The following COL19A1 variants were observed in gnomAD, a reference collection of about 807,000 sequenced individuals.
COL19A1 encodes the protein collagen alpha-1(XIX) chain.
Under a neutral mutation model 190.2 loss-of-function variants are expected in COL19A1, and 159 were observed. That is an observed-to-expected ratio of 0.84 (90% CI 0.73 to 0.95). COL19A1 has a LOEUF of 0.95. COL19A1 is among the 40% of genes least tolerant of loss of function. COL19A1 has a pLI of 0.00. For synonymous variants in COL19A1, 509 were observed against 458.9 expected (o/e 1.11, Z -1.39); for missense variants, 1,418 against 1,431.9 (o/e 0.99, Z 0.16).
At chr6:69,959,381 A>T (rs891044756) in intron 9 of COL19A1, among the ~76,000 whole-genome samples, 1 of 152,142 alleles carries the variant, frequency 6.6e-6, no homozygotes, top group African/African-American at 2.4e-5. Context: ...ACACACACAC[A>T]CACATATATA....
At chr6:70,088,906 CTG>C (rs1166177182) in intron 15 of COL19A1, among the ~76,000 whole-genome samples, 2 of 152,122 alleles carry the variant, frequency 1.3e-5, no homozygotes, top group Non-Finnish European at 2.9e-5. Flanking sequence ...AGTAAAAAAT[CTG>C]TAACTTCGAT....
At chr6:70,035,851 A>T in intron 13 of COL19A1, 53 bp from the exon 14 acceptor site, 1 of 1,458,568 alleles carries the variant, frequency 6.9e-7, no homozygotes, top group South Asian at 1.2e-5. Flanking sequence ...ATTTATAAAT[A>T]ATGTGCAAAA....
chr6:70,146,526 G>A (rs557251350), intron 25 of COL19A1, 133 bp from the exon 26 acceptor site: 219 of 522,086 alleles, frequency 4.2e-4, no homozygotes, highest in African/African-American at 3.5e-3. Context: ...TTTACTCCCC[G>A]TTCCTTATTC....
Position 70,156,514 on chromosome 6 carries a change from A to G in COL19A1, c.2238+145A>G, listed in dbSNP as rs1006085007. On this transcript the variant is annotated intron_variant, in intron 33 of 50. Transcript: ENST00000620364. Reference sequence around the variant, plus strand: ...TATATGGAGAGAGAGAGAGAGAGAGAAAGTGATGTAAAAGTCACTTGCAAA... The same window carrying G: ...TATATGGAGAGAGAGAGAGAGAGAGGAAGTGATGTAAAAGTCACTTGCAAA... 1.4e-5 allele frequency: 14 copies of G among 1,019,816 alleles called. No homozygotes were observed. The African/African-American group carries it at 2.1e-4, about 15-fold the overall frequency. 63.2% of individuals were successfully genotyped at this position (1,019,816 alleles called of 1,614,324 possible).
intron 7 of COL19A1, among the ~76,000 whole-genome samples, chr6:69,933,989 A>G (rs1434925592): frequency 1.3e-5 from 2 of 152,044 alleles, no homozygotes; most frequent in African/African-American, 4.8e-5. Flanking sequence ...GATTTCATAA[A>G]TGTTCTATAC....
chr6:70,026,586 G>A (rs1299817305), intron 12 of COL19A1, among the ~76,000 whole-genome samples: 1 of 152,122 alleles, frequency 6.6e-6, no homozygotes, highest in African/African-American at 2.4e-5. Context: ...CAGGAGTTAT[G>A]ACTAAGGAGA....
intron 2 of COL19A1, among the ~76,000 whole-genome samples, chr6:69,881,546 C>A (rs1193259626): frequency 2.6e-5 from 4 of 152,178 alleles, no homozygotes; most frequent in Admixed American, 2.6e-4. Flanking sequence ...GCTTTTGTAG[C>A]TCTAGTATCT....
At chr6:69,930,326 A>G (rs1772675548) in intron 6 of COL19A1, among the ~76,000 whole-genome samples, 1 of 152,192 alleles carries the variant, frequency 6.6e-6, no homozygotes, top group African/African-American at 2.4e-5. Context: ...TGATTTCCCT[A>G]GAGAACAAGG....
At chr6:70,157,171 AC>A (rs1164138917) in intron 34 of COL19A1, among the ~76,000 whole-genome samples, 1 of 152,098 alleles carries the variant, frequency 6.6e-6, no homozygotes, top group East Asian at 1.9e-4. Flanking sequence ...AACTTCAGCA[AC>A]CTTGGATTGT....
chr6:69,899,163 T>C (rs1417282807), intron 3 of COL19A1, 141 bp downstream of exon 3: 2 of 583,188 alleles, frequency 3.4e-6, no homozygotes, highest in African/African-American at 1.9e-5. Flanking sequence ...GAATTCTTTT[T>C]AATTTTTTTT....
chr6:70,054,449 T>C (rs574702984), intron 14 of COL19A1, among the ~76,000 whole-genome samples: 4 of 152,172 alleles, frequency 2.6e-5, no homozygotes, highest in Non-Finnish European at 5.9e-5. Flanking sequence ...AAAGCTTCTG[T>C]TAACAGTAAT....
chr6:69,962,827 G>A lies in COL19A1; in HGVS notation c.983G>A (p.Gly328Glu), dbSNP rs552171890. ...HGAPGFPGQK[G>E]EQGFEGSKGE... ...ACACATCATATTCCTCTTCTACAGG[G>A]AGAGCAAGGTTTTGAAGGCAGCAAA... The change falls in exon 11 of 51, where the codon GGA (glycine) becomes GAA (glutamate). Residue 328 changes from glycine (G) to glutamate (E), a missense_variant and splice_region_variant. By Grantham distance (98) the Gly-to-Glu change is moderately conservative. Transcript: ENST00000620364. The A allele has an allele frequency of 6.2e-7, 1 of 1,605,540 alleles. No homozygotes were observed. The highest frequency in any genetic ancestry group is 1.1e-5 in the South Asian group (1 of 90,010).
intron 15 of COL19A1, among the ~76,000 whole-genome samples, chr6:70,097,913 C>T (rs1783384125): frequency 6.6e-6 from 1 of 152,174 alleles, no homozygotes; most frequent in Non-Finnish European, 1.5e-5. Flanking sequence ...TATTCCGGCT[C>T]AGCAGATATC....
chr6:69,982,845 G>A (rs1192842955), intron 11 of COL19A1, among the ~76,000 whole-genome samples: 1 of 151,316 alleles, frequency 6.6e-6, no homozygotes, highest in Non-Finnish European at 1.5e-5. Context: ...GGTGGTGGGC[G>A]CCTGTAGTCC....
At chr6:70,160,562 C>T (rs1198689410) in intron 34 of COL19A1, among the ~76,000 whole-genome samples, 2 of 152,166 alleles carry the variant, frequency 1.3e-5, no homozygotes, top group Non-Finnish European at 2.9e-5. Flanking sequence ...TGGCCTAACT[C>T]ACACGGAGCT....
chr6:70,019,150 G>A (rs1778281058), intron 11 of COL19A1, among the ~76,000 whole-genome samples: 1 of 152,092 alleles, frequency 6.6e-6, no homozygotes, highest in South Asian at 2.1e-4. Context: ...AGTAATTGAG[G>A]AAATAACTTA....
At position 70,189,773 on chromosome 6, in the gene COL19A1, A is replaced by G. The variant is rs149791947; in HGVS notation, c.3028-542A>G. ...TAATACCTATATACTTGCAATGTGTAAATTACAGAATAAACTTTATGATGA... is the reference window on the plus strand; with the variant it reads ...TAATACCTATATACTTGCAATGTGTGAATTACAGAATAAACTTTATGATGA... On this transcript the variant is annotated intron_variant, in intron 47 of 50. Coordinates refer to ENST00000620364, the MANE Select transcript of COL19A1 (RefSeq NM_001858.6). Among the ~76,000 whole-genome samples the G allele has an allele frequency of 7.3e-3, 1,111 of 152,352 alleles. 8 individuals are homozygous for G. Among genetic ancestry groups the G allele is most frequent in the Middle Eastern group, 0.02 (6 of 294 alleles).
Position 69,898,948 on chromosome 6 carries a change from AAG to A in COL19A1, c.95_96del (p.Glu32ValfsTer15). On this transcript the variant is annotated frameshift_variant and splice_region_variant, in exon 3 of 51. Coordinates refer to ENST00000620364, the MANE Select transcript of COL19A1 (RefSeq NM_001858.6). LOFTEE classifies it high-confidence loss of function. ...CTATGCTTTTTTTCTTTTTAAATAG[AAG>A]AGTCATGCCCTATCCTGAGAATAGA... The A allele has an allele frequency of 1.9e-6, 3 of 1,597,568 alleles. No homozygotes were observed. The highest frequency in any genetic ancestry group is 2.6e-6 in the Non-Finnish European group (3 of 1,168,202).
At chr6:69,994,565 C>G (rs559636424) in intron 11 of COL19A1, among the ~76,000 whole-genome samples, 1 of 152,256 alleles carries the variant, frequency 6.6e-6, no homozygotes, top group Non-Finnish European at 1.5e-5. Context: ...CTTCCTTCCT[C>G]ATCAGCAAAA....
Sources: allele counts gnomAD v4.1 joint callset (sites outside exome capture counted in the v4.1 genomes callset), GRCh38; gene constraint gnomAD v4.1.1; transcripts MANE v1.5; gene names NCBI Gene and HGNC (gene_info 2026-07-23, HGNC 2026-07-21).